SMAP1: variants seen among roughly 807,000 people sequenced by gnomAD.
SMAP1 encodes small ArfGAP 1, also known as stromal membrane-associated protein 1.
A neutral mutation model predicts 58.5 loss-of-function variants in SMAP1; 24 were observed. The ratio of observed to expected loss-of-function variants is 0.41; its 90% confidence interval spans 0.30 to 0.58. The LOEUF is 0.58. Among genes scored for constraint, SMAP1 ranks in the 20% least tolerant of loss-of-function variants. The pLI is 0.29. For synonymous variants in SMAP1, 216 were observed against 196.6 expected (o/e 1.10, Z -0.82); for missense variants, 563 against 566.3 (o/e 0.99, Z 0.06).
At chr6:70,845,765 G>C (rs1000163562) in intron 7 of SMAP1, among the ~76,000 whole-genome samples, 1 of 152,206 alleles carries the variant, frequency 6.6e-6, no homozygotes, top group Non-Finnish European at 1.5e-5. Context: ...ATATGGCTCC[G>C]ACCAGTGAGG....
chr6:70,832,508 G>A (rs1458111615), intron 6 of SMAP1, among the ~76,000 whole-genome samples: 1 of 152,164 alleles, frequency 6.6e-6, no homozygotes, highest in Non-Finnish European at 1.5e-5. Context: ...CATAATGGCA[G>A]TATCTATGCA....
chr6:70,754,118 T>TA (rs1281270405), intron 2 of SMAP1, among the ~76,000 whole-genome samples: 1 of 152,050 alleles, frequency 6.6e-6, no homozygotes, highest in Non-Finnish European at 1.5e-5. Flanking sequence ...AAAGAAATAT[T>TA]ATGAAAACTG....
At chr6:70,682,558 C>T (rs1044495768) in intron 1 of SMAP1, among the ~76,000 whole-genome samples, 4 of 152,170 alleles carry the variant, frequency 2.6e-5, no homozygotes, top group African/African-American at 9.7e-5. Flanking sequence ...AATAATCCCT[C>T]TCCACTGATT....
chr6:70,852,732 A>C, intron 8 of SMAP1, 68 bp downstream of exon 8: 1 of 1,428,820 alleles, frequency 7.0e-7, no homozygotes. Context: ...TCAAAATTTC[A>C]ATTTTGGAAG....
intron 4 of SMAP1, among the ~76,000 whole-genome samples, chr6:70,782,782 C>G (rs1022109072): frequency 1.1e-4 from 17 of 152,236 alleles, no homozygotes; most frequent in Admixed American, 3.9e-4. Context: ...TGAAGAGAGG[C>G]CAACAACCTC....
intron 1 of SMAP1, among the ~76,000 whole-genome samples, chr6:70,702,123 C>G (rs911004788): frequency 3.9e-5 from 6 of 152,084 alleles, no homozygotes; most frequent in African/African-American, 1.2e-4. Context: ...TTTCCCCCAG[C>G]TTCTTTTAAG....
intron 6 of SMAP1, among the ~76,000 whole-genome samples, chr6:70,802,707 T>C (rs1200580186): frequency 2.6e-5 from 4 of 152,266 alleles, no homozygotes; most frequent in African/African-American, 9.6e-5. Flanking sequence ...TGAGAGTTTT[T>C]AGCATGAAGG....
intron 3 of SMAP1, among the ~76,000 whole-genome samples, chr6:70,759,377 T>C (rs1013236072): frequency 4.6e-5 from 7 of 151,900 alleles, no homozygotes; most frequent in Non-Finnish European, 7.4e-5. Flanking sequence ...GGAGGTTGGG[T>C]TGGGTTGGAT....
chr6:70,833,673 T>C (rs1006811098), intron 6 of SMAP1, among the ~76,000 whole-genome samples: 1 of 152,206 alleles, frequency 6.6e-6, no homozygotes, highest in East Asian at 1.9e-4. Flanking sequence ...CATTTTACAT[T>C]ATGATCCAGA....
intron 4 of SMAP1, among the ~76,000 whole-genome samples, chr6:70,774,362 T>C (rs1046991991): frequency 6.6e-6 from 1 of 152,244 alleles, no homozygotes; most frequent in African/African-American, 2.4e-5. Flanking sequence ...TTTTGGACTT[T>C]GATTCCTAGA....
At chr6:70,795,680 G>A (rs968129094) in intron 5 of SMAP1, among the ~76,000 whole-genome samples, 11 of 151,972 alleles carry the variant, frequency 7.2e-5, no homozygotes, top group Admixed American at 2.0e-4. Flanking sequence ...TCAAACCATA[G>A]CAATAACTAA....
At chr6:70,835,190 T>G (rs1396960197) in intron 6 of SMAP1, among the ~76,000 whole-genome samples, 1 of 144,474 alleles carries the variant, frequency 6.9e-6, no homozygotes, top group East Asian at 2.1e-4. Flanking sequence ...AGGCGGAGCT[T>G]GCAGTGAGCC....
In SMAP1 at chr6:70,770,901, T is replaced by G. The variant is rs540937057; in HGVS notation, c.339-2449T>G. Among the ~76,000 whole-genome samples, 7 of 152,316 alleles carry G rather than the reference T, an allele frequency of 4.6e-5. No individual in the cohort carries two copies. In the East Asian group the frequency reaches 1.4e-3, roughly 29 times the overall value. On this transcript the variant is annotated intron_variant, in intron 3 of 10. Coordinates refer to ENST00000370455, the MANE Select transcript of SMAP1 (RefSeq NM_001044305.3). ...GGTTTTATCTACTTTTGGTCTTTGA[T>G]GATGGTGACGTACAGATGGGTTTTT... is the stretch of plus-strand genomic sequence containing the variant.
rs1275294882 is a variant in SMAP1 at position 70,860,745 on chromosome 6, A to G, written c.*411A>G. ...CTGTAGGAAGGTACTGTATGATCAA[A>G]TGTTTAATCATATAAATAGAATGTA... On this transcript the variant is annotated 3_prime_UTR_variant, in exon 11 of 11. Transcript: ENST00000370455. 5.0e-6 allele frequency: 2 copies of G among 400,398 alleles called. No homozygotes were observed. Among genetic ancestry groups the G allele is most frequent in the African/African-American group, 2.1e-5 (1 of 48,626 alleles). 24.8% of individuals were successfully genotyped at this position (400,398 alleles called of 1,614,324 possible).
chr6:70,802,348 C>T (rs1383695968), intron 6 of SMAP1, among the ~76,000 whole-genome samples: 1 of 152,168 alleles, frequency 6.6e-6, no homozygotes, highest in Non-Finnish European at 1.5e-5. Context: ...GATTTTTACA[C>T]ATTGATTTTG....
At chr6:70,718,104 C>T (rs1054088100) in intron 1 of SMAP1, among the ~76,000 whole-genome samples, 16 of 151,920 alleles carry the variant, frequency 1.1e-4, no homozygotes, top group East Asian at 3.9e-4. Flanking sequence ...TTTCCCCTTC[C>T]GACTTAAAAA....
At chr6:70,833,989 T>G (rs1158288083) in intron 6 of SMAP1, among the ~76,000 whole-genome samples, 1 of 152,186 alleles carries the variant, frequency 6.6e-6, no homozygotes, top group African/African-American at 2.4e-5. Flanking sequence ...TAAATTGAAA[T>G]GTAAGGAAGA....
At chr6:70,701,596 G>T (rs1463675889) in intron 1 of SMAP1, among the ~76,000 whole-genome samples, 1 of 152,090 alleles carries the variant, frequency 6.6e-6, no homozygotes, top group Non-Finnish European at 1.5e-5. Flanking sequence ...CCTTCCTTGG[G>T]CCCCAGCTGA....
chr6:70,847,594 A>G (rs1771040971), intron 7 of SMAP1, among the ~76,000 whole-genome samples: 2 of 152,046 alleles, frequency 1.3e-5, no homozygotes, highest in African/African-American at 2.4e-5. Context: ...CTGTTTGCTC[A>G]TTGCCTTTTC....
Sources: allele counts gnomAD v4.1 joint callset (sites outside exome capture counted in the v4.1 genomes callset), GRCh38; gene constraint gnomAD v4.1.1; transcripts MANE v1.5; gene names NCBI Gene and HGNC (gene_info 2026-07-23, HGNC 2026-07-21).